Variants in MLIP observed in about 807,000 individuals in gnomAD.
MLIP encodes muscular LMNA interacting protein.
In MLIP, 79 loss-of-function variants were observed where a neutral mutation model predicts 84.8. The ratio of observed to expected loss-of-function variants is 0.93; its 90% CI spans 0.78 to 1.12. The LOEUF is 1.12. Among genes scored for constraint, MLIP ranks in the 50% most tolerant of loss-of-function variants. The pLI is 0.00. For synonymous variants in MLIP, 504 were observed against 463.0 expected, an observed-to-expected ratio of 1.09 and a Z score of -1.14; for missense variants, 1,257 against 1,160.6, an observed-to-expected ratio of 1.08 and a Z score of -1.21.
At chr6:54,242,387 G>C (rs1383948135) in intron 12 of MLIP, among the ~76,000 whole-genome samples, 2 of 152,080 alleles carry the variant, frequency 1.3e-5, no homozygotes, top group African/African-American at 4.8e-5. Flanking sequence ...CATGTAAATT[G>C]GTATTATCAT....
chr6:54,245,810 T>C (rs1782041172), intron 12 of MLIP, among the ~76,000 whole-genome samples: 1 of 152,140 alleles, frequency 6.6e-6, no homozygotes, highest in Admixed American at 6.6e-5. Flanking sequence ...TTGTGATCCT[T>C]TTACTTATCC....
intron 5 of MLIP, among the ~76,000 whole-genome samples, chr6:54,150,585 C>G (rs1444342140): frequency 6.6e-6 from 1 of 152,196 alleles, no homozygotes; most frequent in African/African-American, 2.4e-5. Context: ...GATGAGGAGC[C>G]TGTTTCATGC....
At chr6:54,050,731 G>T (rs1206729470) in intron 1 of MLIP, among the ~76,000 whole-genome samples, 1 of 152,038 alleles carries the variant, frequency 6.6e-6, no homozygotes, top group African/African-American at 2.4e-5. Flanking sequence ...ATAGAGAAAT[G>T]AGTGCAGTTT....
chr6:54,045,185 T>A (rs1764970118), intron 1 of MLIP, among the ~76,000 whole-genome samples: 1 of 151,818 alleles, frequency 6.6e-6, no homozygotes, highest in African/African-American at 2.4e-5. Flanking sequence ...CTATCTCTAC[T>A]AAAAATACAA....
At chr6:54,118,879 GAC>G (rs1200099591) in intron 1 of MLIP, among the ~76,000 whole-genome samples, 1 of 152,124 alleles carries the variant, frequency 6.6e-6, no homozygotes, top group Non-Finnish European at 1.5e-5. Flanking sequence ...TCTCTCAAAA[GAC>G]ACACAAATGG....
chr6:54,170,733 T>C (rs2792626), intron 9 of MLIP, among the ~76,000 whole-genome samples: 142,837 of 151,614 alleles, frequency 0.94, 67,866 homozygotes, highest in Non-Finnish European at 1. Context: ...AGCTAATCTA[T>C]GAAAAGCCCT....
chr6:54,043,627 T>G (rs1347181502), intron 1 of MLIP, among the ~76,000 whole-genome samples: 1 of 152,196 alleles, frequency 6.6e-6, no homozygotes, highest in Non-Finnish European at 1.5e-5. Flanking sequence ...TGCTCAGAAT[T>G]AACACTGTGA....
At chr6:54,118,820 A>G (rs1770183358) in intron 1 of MLIP, among the ~76,000 whole-genome samples, 1 of 152,218 alleles carries the variant, frequency 6.6e-6, no homozygotes, top group Admixed American at 6.5e-5. Context: ...ACAACTCAAT[A>G]GCAAGACAAC....
chr6:54,249,933 ACTGTCTTCATCCTCCCACCCTCCACCCT>A (rs1395513052), intron 12 of MLIP, among the ~76,000 whole-genome samples: 1 of 151,884 alleles, frequency 6.6e-6, no homozygotes, highest in East Asian at 1.9e-4. Context: ...GTTTTTCCTG[ACTGTCTTCATCCTCCCACCCTCCACCCT>A]CTGACAGGCC....
intron 1 of MLIP, among the ~76,000 whole-genome samples, chr6:54,096,354 G>T (rs764197752): frequency 5.3e-5 from 8 of 152,196 alleles, no homozygotes; most frequent in Non-Finnish European, 1.2e-4. Flanking sequence ...AGCATAAAAT[G>T]CTGACATAGT....
At chr6:54,139,550 A>G (rs543613790) in intron 4 of MLIP, among the ~76,000 whole-genome samples, 17 of 152,320 alleles carry the variant, frequency 1.1e-4, no homozygotes, top group African/African-American at 4.1e-4. Flanking sequence ...AATAGCAGCA[A>G]TATCAAATGC....
chr6:54,194,205 GT>G, intron 10 of MLIP, among the ~76,000 whole-genome samples: 1 of 133,584 alleles, frequency 7.5e-6, no homozygotes, highest in Admixed American at 7.7e-5. Flanking sequence ...TTAGCGGTGG[GT>G]GCATGACTCA....
At chr6:54,239,010 T>C (rs1447766571) in intron 12 of MLIP, among the ~76,000 whole-genome samples, 1 of 152,214 alleles carries the variant, frequency 6.6e-6, no homozygotes, top group East Asian at 1.9e-4. Flanking sequence ...ATTCTCCCCT[T>C]TCTTCCACTG....
At position 54,130,029 on chromosome 6, in the gene MLIP, T is replaced by C. The variant is rs546144977; in HGVS notation, c.645+5164T>C. On this transcript the variant is annotated intron_variant, in intron 3 of 13. Transcript: ENST00000502396. ...ACTGCTACCTCTCCATTTCGTTTCG[T>C]GCTTAGGGTGAGTACATGATTCCCT... is the stretch of plus-strand genomic sequence containing the variant. Among the ~76,000 whole-genome samples the C allele has an allele frequency of 2.6e-5, 4 of 152,240 alleles. No individual in the cohort carries two copies. In the South Asian group the frequency reaches 8.3e-4, roughly 32 times the overall value.
Position 54,215,134 on chromosome 6 carries a change from A to C in MLIP, c.2718+12901A>C, listed in dbSNP as rs1014575223. The stretch of plus-strand genomic sequence containing the variant: ...CCTCACTAAAAGCTGTCCACTTTAC[A>C]CTCAGGCTGCACATTCTGTGGACTC... On this transcript the variant is annotated intron_variant, in intron 11 of 13. Coordinates refer to ENST00000502396, the MANE Select transcript of MLIP (RefSeq NM_001281747.2). 27 of 1,533,968 alleles carry C rather than the reference A, an allele frequency of 1.8e-5. No homozygotes were observed. The Admixed American group carries it at 4.9e-4, about 28-fold the overall frequency.
intron 1 of MLIP, among the ~76,000 whole-genome samples, chr6:54,096,627 C>T (rs1768234566): frequency 1.3e-5 from 2 of 152,098 alleles, no homozygotes; most frequent in Admixed American, 1.3e-4. Flanking sequence ...AGCTCCTTAC[C>T]CAATTAGCCC....
chr6:54,183,047 A>G (rs1015583627), intron 9 of MLIP, among the ~76,000 whole-genome samples: 3 of 152,238 alleles, frequency 2.0e-5, no homozygotes, highest in African/African-American at 7.2e-5. Flanking sequence ...ATATCAGAGT[A>G]TATTGAAAAA....
chr6:54,155,712 G>T (rs1228321137), intron 5 of MLIP, among the ~76,000 whole-genome samples: 1 of 152,106 alleles, frequency 6.6e-6, no homozygotes, highest in Non-Finnish European at 1.5e-5. Context: ...CAAGGACTTT[G>T]ATTTGCAATG....
intron 11 of MLIP, among the ~76,000 whole-genome samples, chr6:54,214,819 A>G (rs917439971): frequency 9.9e-5 from 15 of 152,194 alleles, no homozygotes; most frequent in African/African-American, 3.1e-4. Flanking sequence ...AAAACTAGAA[A>G]ACATTTATGA....
Sources: gnomAD v4.1 joint callset for allele counts (sites outside exome capture counted in the v4.1 genomes callset) on GRCh38, gnomAD v4.1.1 for gene constraint, MANE v1.5 for transcripts, NCBI Gene and HGNC (gene_info 2026-07-23, HGNC 2026-07-21) for gene names.